The following BCKDHB variants were observed in gnomAD, a reference collection of about 807,000 sequenced individuals.
BCKDHB encodes 2-oxoisovalerate dehydrogenase subunit beta, mitochondrial.
BCKDHB carries 41 observed loss-of-function variants against 48.5 expected under a neutral mutation model. The observed-to-expected ratio is 0.85, with a 90% CI of 0.66 to 1.10. BCKDHB has a LOEUF of 1.10. BCKDHB is among the 50% of genes least tolerant of loss of function. The probability of loss-of-function intolerance (pLI) is 0.00; values close to 1 mark genes in which losing one functional copy is unlikely to be tolerated. For missense variants in BCKDHB, 496 were observed against 494.2 expected, an observed-to-expected ratio of 1.00 and a Z score of -0.03; for synonymous variants, 201 against 174.8, an observed-to-expected ratio of 1.15 and a Z score of -1.18.
At chr6:80,435,434 TTTA>T in the BCKDHB span, among the ~76,000 whole-genome samples, 26 of 152,324 alleles carry the variant, frequency 1.7e-4, no homozygotes, top group Non-Finnish European at 3.5e-4. Flanking sequence ...CATTCATAAC[TTTA>T]TTATTTTATT....
chr6:80,351,829 T>C, the BCKDHB span, among the ~76,000 whole-genome samples: 1 of 150,216 alleles, frequency 6.7e-6, no homozygotes, highest in African/African-American at 2.4e-5. Context: ...TCTTTCTTTT[T>C]TTTTTTTTTG....
chr6:80,415,107 A>G, the BCKDHB span, among the ~76,000 whole-genome samples: 10 of 152,152 alleles, frequency 6.6e-5, no homozygotes, highest in African/African-American at 2.2e-4. Context: ...ACTTTTGCAC[A>G]TTGCTTTTTT....
the BCKDHB span, among the ~76,000 whole-genome samples, chr6:80,427,578 G>A: frequency 1.3e-5 from 2 of 151,910 alleles, no homozygotes; most frequent in African/African-American, 4.8e-5. Context: ...ATAGATTTTA[G>A]TTTCTAATTT....
rs376890310 is a variant in BCKDHB at position 80,333,294 on chromosome 6, C to A, written c.1039-10370C>A. ...GGTCACCTCACTTAACCTCTCCCAG[C>A]TTCAGTTTCTTGTCTTTACTACTAC... On this transcript the variant is annotated intron_variant, in intron 9 of 9. Coordinates refer to ENST00000320393, the MANE Select transcript of BCKDHB (RefSeq NM_183050.4). Among the ~76,000 whole-genome samples the A allele has an allele frequency of 1.9e-4, 29 of 152,262 alleles. 1 individual carries two copies. In the East Asian group the frequency reaches 4.3e-3, roughly 22 times the overall value.
chr6:80,344,010 T>C lies in BCKDHB; in HGVS notation c.*206T>C. ...AGTATATTTACATTTTTGTTGTTGT[T>C]GTTGTTCTGAGATGGAGTCTCACTC... On this transcript the variant is annotated 3_prime_UTR_variant, in exon 10 of 10. Coordinates refer to ENST00000320393, the MANE Select transcript of BCKDHB (RefSeq NM_183050.4). The C allele has an allele frequency of 3.2e-6, 2 of 622,770 alleles. No individual in the cohort carries two copies. Among genetic ancestry groups the C allele is most frequent in the South Asian group, 3.7e-5 (2 of 53,662 alleles). The allele number at this position is 622,770 out of a possible 1,614,324, so 38.6% of individuals were successfully genotyped here. A position where few individuals can be genotyped will look rare whatever the true frequency, so the allele number is the denominator to read the frequency against.
chr6:80,437,681 T>G, the BCKDHB span, among the ~76,000 whole-genome samples: 1 of 152,228 alleles, frequency 6.6e-6, no homozygotes, highest in African/African-American at 2.4e-5. Flanking sequence ...TTAAGACTAA[T>G]TTCTTTGATG....
At chr6:80,124,600 T>C (rs1254832610) in intron 1 of BCKDHB, among the ~76,000 whole-genome samples, 2 of 152,192 alleles carry the variant, frequency 1.3e-5, no homozygotes, top group African/African-American at 4.8e-5. Flanking sequence ...TTAGGATAGT[T>C]AGCTCTTCTT....
At chr6:80,318,247 C>T (rs2128000240) in intron 9 of BCKDHB, among the ~76,000 whole-genome samples, 1 of 152,226 alleles carries the variant, frequency 6.6e-6, no homozygotes, top group Middle Eastern at 3.4e-3. Flanking sequence ...AGATATGGCT[C>T]CTGCCCTCAA....
chr6:80,125,636 A>G (rs546588327), intron 1 of BCKDHB, among the ~76,000 whole-genome samples: 2 of 152,254 alleles, frequency 1.3e-5, no homozygotes, highest in East Asian at 3.9e-4. Flanking sequence ...TTTTCATATT[A>G]TTATGTCTCA....
intron 8 of BCKDHB, among the ~76,000 whole-genome samples, chr6:80,228,817 G>A (rs1264290726): frequency 6.6e-6 from 1 of 152,144 alleles, no homozygotes; most frequent in Non-Finnish European, 1.5e-5. Context: ...GCTCTCAGAA[G>A]GTTTCAGAAG....
At chr6:80,122,278 A>G (rs1305796515) in intron 1 of BCKDHB, among the ~76,000 whole-genome samples, 1 of 152,134 alleles carries the variant, frequency 6.6e-6, no homozygotes, top group Non-Finnish European at 1.5e-5. Context: ...GAATTTTTGC[A>G]TTGATGTTCA....
intron 3 of BCKDHB, among the ~76,000 whole-genome samples, chr6:80,150,501 T>C (rs1457862238): frequency 6.6e-6 from 1 of 151,656 alleles, no homozygotes; most frequent in Non-Finnish European, 1.5e-5. Context: ...AAAGCTAATA[T>C]GAGTGACAGT....
chr6:80,282,246 G>A (rs928543232), intron 9 of BCKDHB, among the ~76,000 whole-genome samples: 2 of 152,036 alleles, frequency 1.3e-5, no homozygotes, highest in African/African-American at 4.8e-5. Context: ...ATGTAATATC[G>A]TTTGTTACTT....
At chr6:80,148,431 A>C (rs1452152386) in intron 3 of BCKDHB, among the ~76,000 whole-genome samples, 1 of 152,066 alleles carries the variant, frequency 6.6e-6, no homozygotes, top group Non-Finnish European at 1.5e-5. Context: ...TGGGTCCTCA[A>C]AACAGCTCAG....
At chr6:80,419,298 C>A in the BCKDHB span, among the ~76,000 whole-genome samples, 6 of 152,164 alleles carry the variant, frequency 3.9e-5, no homozygotes, top group Non-Finnish European at 8.8e-5. Flanking sequence ...CTGTAGTTCT[C>A]TGCTGGTCAA....
At chr6:80,396,956 A>G in the BCKDHB span, among the ~76,000 whole-genome samples, 1 of 152,168 alleles carries the variant, frequency 6.6e-6, no homozygotes. Flanking sequence ...GAGCCAAGTT[A>G]GAGGAAAAGG....
rs1320338479 is a variant in BCKDHB at position 80,335,477 on chromosome 6, A to G, written c.1039-8187A>G. Among the ~76,000 whole-genome samples the G allele has an allele frequency of 2.0e-5, 3 of 152,064 alleles. No individual in the cohort carries two copies. In the East Asian group the frequency reaches 5.8e-4, roughly 29 times the overall value. The stretch of plus-strand genomic sequence containing the variant: ...TTCTTCTATAGGAAGAATTTGAACT[A>G]TAAAATTTGAGAAGCTTCAGCGTCT... On this transcript the variant is annotated intron_variant, in intron 9 of 9. Coordinates refer to ENST00000320393, the MANE Select transcript of BCKDHB (RefSeq NM_183050.4).
chr6:80,372,904 A>G, the BCKDHB span, among the ~76,000 whole-genome samples: 1 of 151,902 alleles, frequency 6.6e-6, no homozygotes, highest in East Asian at 1.9e-4. Context: ...CTTGGTCTGT[A>G]TTTTTCTTTT....
At position 80,301,378 on chromosome 6, in the gene BCKDHB, C is replaced by T. The variant is rs558518826; in HGVS notation, c.1038+28157C>T. On this transcript the variant is annotated intron_variant, in intron 9 of 9. Transcript: ENST00000320393. The stretch of plus-strand genomic sequence containing the variant: ...ACATAACAGCTGATCCCACAGAGAT[C>T]CTCATAGAATACTGTGGACAATTCT... Among the ~76,000 whole-genome samples the T allele has an allele frequency of 2.0e-5, 3 of 152,172 alleles. No individual in the cohort carries two copies. In the East Asian group the frequency reaches 5.8e-4, roughly 29 times the overall value.
Sources: gnomAD v4.1 joint callset for allele counts (sites outside exome capture counted in the v4.1 genomes callset) on GRCh38, gnomAD v4.1.1 for gene constraint, MANE v1.5 for transcripts, NCBI Gene and HGNC (gene_info 2026-07-23, HGNC 2026-07-21) for gene names.